The following NOL9 variants were observed in gnomAD, a reference collection of about 807,000 sequenced individuals.
NOL9 encodes nucleolar protein 9.
In NOL9, 28 loss-of-function variants were observed where a neutral mutation model predicts 67.9. The observed-to-expected ratio is 0.41, with a 90% confidence interval of 0.31 to 0.57. The LOEUF is 0.57. NOL9 is among the 20% of genes least tolerant of loss of function. The pLI, the probability that NOL9 is intolerant of heterozygous loss-of-function variation, is 0.25. For synonymous variants in NOL9, 356 were observed against 352.2 expected (o/e 1.01, Z -0.12); for missense variants, 777 against 897.0 (o/e 0.87, Z 1.71).
chr1:6,523,579 CAAAAAAAAAAA>C lies in NOL9; in HGVS notation c.*2264_*2274del, dbSNP rs35288271. ...GGGCAACAAGAGCGAAACTCCATCTCAAAAAAAAAAAAAAAAAAAAAAAAGGATAAAAAGGC... is the reference window on the plus strand; with the variant it reads ...GGGCAACAAGAGCGAAACTCCATCTCAAAAAAAAAAAAAGGATAAAAAGGC... On this transcript the variant is annotated 3_prime_UTR_variant, in exon 12 of 12. Transcript: ENST00000377705. 25 of 51,442 alleles carry C rather than the reference CAAAAAAAAAAA, an allele frequency of 4.9e-4. No homozygotes were observed. The highest frequency in any genetic ancestry group is 3.7e-3 in the East Asian group (5 of 1,360). 3.2% of individuals were successfully genotyped at this position (51,442 alleles called of 1,614,324 possible). A position where few individuals can be genotyped will look rare whatever the true frequency, so the allele number is the denominator to read the frequency against.
In NOL9 at chr1:6,554,117, GGCA is replaced by G. The variant is rs1553185067; in HGVS notation, c.383_385del (p.Leu128del). ...GCGCCCCCCACCTACCTGCTCGACCGGCAGCAGCAGCAACGCGCGGCCGGGGCC... is the reference window on the plus strand; with the variant it reads ...GCGCCCCCCACCTACCTGCTCGACCGGCAGCAGCAACGCGCGGCCGGGGCC... On this transcript the variant is annotated inframe_deletion, in exon 1 of 12. Transcript: ENST00000377705. 2 of 1,527,688 alleles carry G rather than the reference GGCA, an allele frequency of 1.3e-6. No homozygotes were observed. Among genetic ancestry groups the G allele is most frequent in the East Asian group, 2.7e-5 (1 of 37,362 alleles). The allele number at this position is 1,527,688 out of a possible 1,614,324, so 94.6% of individuals were successfully genotyped here.
chr1:6,548,571 A>C, intron 3 of NOL9: 1 of 373,810 alleles, frequency 2.7e-6, no homozygotes, highest in Non-Finnish European at 5.2e-6. Flanking sequence ...GAGGAGGAGA[A>C]CATCATTGTA....
At chr1:6,544,282 C>CAAA (rs573645869) in intron 5 of NOL9, among the ~76,000 whole-genome samples, 1 of 137,950 alleles carries the variant, frequency 7.2e-6, no homozygotes, top group Non-Finnish European at 1.6e-5. Flanking sequence ...GACCCGGTCT[C>CAAA]AAAAAAAAAA....
intron 1 of NOL9, among the ~76,000 whole-genome samples, chr1:6,553,008 C>T (rs1639575855): frequency 1.3e-5 from 2 of 152,118 alleles, no homozygotes; most frequent in Non-Finnish European, 2.9e-5. Context: ...GATGAGGTTT[C>T]ACCATGTTGG....
chr1:6,546,097 T>C (rs1245240095), intron 3 of NOL9, among the ~76,000 whole-genome samples: 3 of 151,910 alleles, frequency 2.0e-5, no homozygotes, highest in Non-Finnish European at 4.4e-5. Flanking sequence ...CAAGAATATC[T>C]AACAAAATTA....
chr1:6,545,166 C>G lies in NOL9; in HGVS notation c.759G>C (p.Gln253His), dbSNP rs200124188. ...YIFVQESPTP[Q>H]IKPEYLALRS... ...TCAAGGCTAAATATTCAGGTTTAAT[C>G]TGGGGAGTTGGACTCTGAAATCAAC... Residue 253 changes from glutamine to histidine, a missense_variant, in exon 4 of 12, where the codon CAG becomes CAC. Physicochemically the swap from Gln to His is conservative, Grantham distance 24 (BLOSUM62 0). This residue lies in a region of NOL9 where 364 missense variants were observed against 344.4 expected (regional missense o/e 1.06). Coordinates refer to ENST00000377705, the MANE Select transcript of NOL9 (RefSeq NM_024654.5). 3.1e-6 allele frequency: 5 copies of G among 1,611,416 alleles called. No homozygotes were observed. In the African/African-American group the frequency reaches 6.7e-5, roughly 22 times the overall value.
At chr1:6,527,867 G>A (rs1253169208) in intron 10 of NOL9, among the ~76,000 whole-genome samples, 1 of 152,086 alleles carries the variant, frequency 6.6e-6, no homozygotes, top group Non-Finnish European at 1.5e-5. Context: ...GGAGGTGGAG[G>A]TTGCAGTGAA....
In NOL9 at chr1:6,532,197, C is replaced by G. The variant is rs146910086; in HGVS notation, c.1536-118G>C. 5.8e-3 allele frequency: 4,715 copies of G among 813,750 alleles called. 22 individuals are homozygous for G. The highest frequency in any genetic ancestry group is 8.1e-3 in the Non-Finnish European group (4,012 of 498,070). 50.4% of individuals were successfully genotyped at this position (813,750 alleles called of 1,614,324 possible). A position where few individuals can be genotyped will look rare whatever the true frequency, so the allele number is the denominator to read the frequency against. ...TACTGGGCTTTCCAACACTGCCCCC[C>G]CTTGACGGACCCCAACTGGAAAAAC... On this transcript the variant is annotated intron_variant, in intron 8 of 11. Coordinates refer to ENST00000377705, the MANE Select transcript of NOL9 (RefSeq NM_024654.5).
At chr1:6,526,916 C>T in intron 10 of NOL9, 87 bp from the exon 11 acceptor site, 1 of 1,456,326 alleles carries the variant, frequency 6.9e-7, no homozygotes, top group Non-Finnish European at 9.2e-7. Flanking sequence ...TGGTTTTGAA[C>T]ATAAGTCTTT....
intron 6 of NOL9, among the ~76,000 whole-genome samples, chr1:6,534,649 T>C (rs1009150865): frequency 3.9e-5 from 6 of 152,166 alleles, no homozygotes; most frequent in Non-Finnish European, 8.8e-5. Flanking sequence ...TATGCAAATA[T>C]ATTGTAAATA....
chr1:6,541,901 C>A lies in NOL9; in HGVS notation c.1004G>T (p.Cys335Phe), dbSNP rs1639300079. ...GGTAAATTCTGTCTGTCCCAGATCA[C>A]ATTCCAAATAGTCAACGCAGGGAAG... The part of the protein sequence containing the change: ...NSLPCVDYLE[C>F]DLGQTEFTPP... The change falls in exon 6 of 12, where the codon TGT becomes TTT. Residue 335 changes from cysteine to phenylalanine, a missense_variant. Physicochemically the swap from Cys to Phe is radical, Grantham distance 205. Coordinates refer to ENST00000377705, the MANE Select transcript of NOL9 (RefSeq NM_024654.5). 2.5e-6 allele frequency: 4 copies of A among 1,604,352 alleles called. No individual in the cohort carries two copies. Among genetic ancestry groups the A allele is most frequent in the Non-Finnish European group, 3.4e-6 (4 of 1,176,480 alleles).
intron 3 of NOL9, among the ~76,000 whole-genome samples, chr1:6,548,911 G>C (rs1252209698): frequency 1.3e-5 from 2 of 151,792 alleles, no homozygotes; most frequent in Non-Finnish European, 2.9e-5. Context: ...GTGAAACCCC[G>C]TCTGTACTAA....
intron 1 of NOL9, among the ~76,000 whole-genome samples, chr1:6,552,873 G>T (rs12031598): frequency 0.16 from 23,330 of 149,370 alleles, 2,142 homozygotes; most frequent in African/African-American, 0.26. Context: ...GTGCAATGGC[G>T]TGATCTTGGC....
In NOL9 at chr1:6,537,052, T is replaced by C. The variant is rs192442754; in HGVS notation, c.1076-3611A>G. Among the ~76,000 whole-genome samples the C allele has an allele frequency of 4.0e-5, 6 of 151,708 alleles. No homozygotes were observed. The East Asian group carries it at 9.7e-4, about 25-fold the overall frequency. Reference sequence around the variant, plus strand: ...CGGTAATGGCATAAAAAAAGACATATCACCCAATGGAACAGCATAGAAAGC... The same window carrying C: ...CGGTAATGGCATAAAAAAAGACATACCACCCAATGGAACAGCATAGAAAGC... On this transcript the variant is annotated intron_variant, in intron 6 of 11. Transcript: ENST00000377705.
At chr1:6,534,658 T>C (rs1361595493) in intron 6 of NOL9, among the ~76,000 whole-genome samples, 2 of 152,148 alleles carry the variant, frequency 1.3e-5, no homozygotes, top group African/African-American at 4.8e-5. Context: ...ATATTGTAAA[T>C]AATCATAGGC....
Position 6,546,343 on chromosome 1 carries a change from C to T in NOL9, c.745-1163G>A, listed in dbSNP as rs532096517. Among the ~76,000 whole-genome samples, 4 of 152,086 alleles carry T rather than the reference C, an allele frequency of 2.6e-5. No homozygotes were observed. The South Asian group carries it at 8.3e-4, about 32-fold the overall frequency. ...ACCAAGGCTTGAGAACAGGCAATTC[C>T]ATCTCCTCCTCTGCAGTCCTGGTCC... is the stretch of plus-strand genomic sequence containing the variant. On this transcript the variant is annotated intron_variant, in intron 3 of 11. Transcript: ENST00000377705.
intron 1 of NOL9, 22 bp downstream of exon 1, chr1:6,554,085 A>T (rs374466371): frequency 2.7e-6 from 4 of 1,509,436 alleles, no homozygotes; most frequent in East Asian, 2.8e-5. Context: ...CTCGGGGACT[A>T]CTACCGGCGC....
chr1:6,554,476 C>T lies in NOL9; in HGVS notation c.27G>A (p.Lys9=). The change falls in exon 1 of 12, where the codon AAG becomes AAA. Residue 9 remains lysine (K), a synonymous_variant. Transcript: ENST00000377705. MADSGLLL[K]RGSCRSTWLR... ...GCCAAGTGGAACGGCAGGAACCCCG[C>T]TTTAGCAGCAGTCCCGAGTCCGCCA... The T allele has an allele frequency of 6.5e-7, 1 of 1,545,974 alleles. No homozygotes were observed. The highest frequency in any genetic ancestry group is 1.2e-5 in the South Asian group (1 of 85,780).
At chr1:6,543,307 T>C (rs1570071062) in intron 5 of NOL9, among the ~76,000 whole-genome samples, 2 of 151,988 alleles carry the variant, frequency 1.3e-5, no homozygotes, top group African/African-American at 4.8e-5. Flanking sequence ...GCCATTCTCC[T>C]GCCTCAGCCT....
Sources: allele counts gnomAD v4.1 joint callset (sites outside exome capture counted in the v4.1 genomes callset), GRCh38; gene constraint gnomAD v4.1.1; regional missense constraint gnomAD v4.1.1; transcripts MANE v1.5; gene names NCBI Gene and HGNC (gene_info 2026-07-23, HGNC 2026-07-21).